Variants in FARS2 observed in about 807,000 individuals in gnomAD.
The protein encoded by FARS2 is phenylalanine--tRNA ligase, mitochondrial.
Under a neutral mutation model 46.4 loss-of-function variants are expected in FARS2, and 40 were observed. The ratio of observed to expected loss-of-function variants is 0.86; its 90% CI spans 0.67 to 1.12. The LOEUF (loss-of-function observed/expected upper bound fraction) is 1.12, where lower values mean the gene tolerates loss of function less well. FARS2 is among the 50% of genes most tolerant of loss of function. The probability of loss-of-function intolerance (pLI) is 0.00; values close to 1 mark genes in which losing one functional copy is unlikely to be tolerated. For synonymous variants in FARS2, 234 were observed against 214.9 expected (o/e 1.09, Z -0.78); for missense variants, 513 against 567.9 (o/e 0.90, Z 0.98).
Position 5,723,081 on chromosome 6 carries a change from C to T in FARS2, c.1218-48210C>T, listed in dbSNP as rs541104381. The stretch of plus-strand genomic sequence containing the variant: ...CCACAGATGGACAAAAGTCCTCATC[C>T]GAGTTCCGGTTCTGGGGGTGAGTGG... On this transcript the variant is annotated intron_variant, in intron 6 of 6. Transcript: ENST00000274680. Among the ~76,000 whole-genome samples the T allele has an allele frequency of 2.6e-5, 4 of 152,100 alleles. No homozygotes were observed. In the South Asian group the frequency reaches 8.3e-4, roughly 32 times the overall value.
At chr6:5,428,758 A>G (rs892292566) in intron 3 of FARS2, among the ~76,000 whole-genome samples, 5 of 152,194 alleles carry the variant, frequency 3.3e-5, no homozygotes, top group Admixed American at 3.3e-4. Context: ...ACAGTCCCAA[A>G]TAAGCAGTGG....
intron 4 of FARS2, among the ~76,000 whole-genome samples, chr6:5,494,741 T>C (rs1223667078): frequency 6.6e-6 from 1 of 152,178 alleles, no homozygotes; most frequent in Non-Finnish European, 1.5e-5. Context: ...AGTTCACATG[T>C]TTGAGGAACG....
At position 5,487,244 on chromosome 6, in the gene FARS2, A is replaced by T. The variant is rs191604709; in HGVS notation, c.904+56072A>T. Among the ~76,000 whole-genome samples, 487 of 152,258 alleles carry T rather than the reference A, an allele frequency of 3.2e-3. 3 individuals are homozygous for T. The highest frequency in any genetic ancestry group is 0.011 in the African/African-American group (453 of 41,552). ...CTCTGGTGCACCTACCTGGGTGCCA[A>T]CGTTGTAGGAAGAAGCTGTCTGCAC... On this transcript the variant is annotated intron_variant, in intron 4 of 6. Coordinates refer to ENST00000274680, the MANE Select transcript of FARS2 (RefSeq NM_006567.5).
At chr6:5,729,399 G>A (rs1039919408) in intron 6 of FARS2, among the ~76,000 whole-genome samples, 10 of 152,146 alleles carry the variant, frequency 6.6e-5, no homozygotes, top group Non-Finnish European at 8.8e-5. Flanking sequence ...GAATGGGGGC[G>A]TGGACGTCCC....
At chr6:5,497,659 A>G (rs944490129) in intron 4 of FARS2, among the ~76,000 whole-genome samples, 2 of 152,250 alleles carry the variant, frequency 1.3e-5, no homozygotes, top group Non-Finnish European at 2.9e-5. Flanking sequence ...CAATGGTATC[A>G]TTCAAACTTC....
At position 5,512,774 on chromosome 6, in the gene FARS2, G is replaced by A. The variant is rs571386952; in HGVS notation, c.905-32406G>A. On this transcript the variant is annotated intron_variant, in intron 4 of 6. Coordinates refer to ENST00000274680, the MANE Select transcript of FARS2 (RefSeq NM_006567.5). ...CTTTTCAGCAAAAAATATGTATTAA[G>A]CACAAAGTAGGTGACAGGAACTGTG... Among the ~76,000 whole-genome samples the A allele has an allele frequency of 2.0e-5, 3 of 152,242 alleles. No individual in the cohort carries two copies. In the South Asian group the frequency reaches 6.2e-4, roughly 32 times the overall value.
At chr6:5,753,858 G>A (rs1041556009) in intron 6 of FARS2, among the ~76,000 whole-genome samples, 2 of 152,190 alleles carry the variant, frequency 1.3e-5, no homozygotes, top group African/African-American at 4.8e-5. Flanking sequence ...TGCTGAGAGA[G>A]GACCTGCCTA....
At chr6:5,430,035 T>C (rs1763072933) in intron 3 of FARS2, among the ~76,000 whole-genome samples, 1 of 152,164 alleles carries the variant, frequency 6.6e-6, no homozygotes, top group South Asian at 2.1e-4. Flanking sequence ...CTTCACATTT[T>C]GATTCCCACA....
intron 4 of FARS2, among the ~76,000 whole-genome samples, chr6:5,439,280 C>T (rs768232561): frequency 3.3e-5 from 5 of 152,164 alleles, no homozygotes; most frequent in Admixed American, 2.0e-4. Flanking sequence ...ACATAGAATT[C>T]GGGCATCCTT....
intron 5 of FARS2, among the ~76,000 whole-genome samples, chr6:5,604,417 C>A (rs1036455471): frequency 1.3e-5 from 2 of 152,046 alleles, no homozygotes; most frequent in African/African-American, 4.8e-5. Context: ...ATGAACATGC[C>A]AGAAAGCTCA....
intron 4 of FARS2, among the ~76,000 whole-genome samples, chr6:5,455,251 C>T (rs1191951599): frequency 6.6e-6 from 1 of 152,084 alleles, no homozygotes; most frequent in African/African-American, 2.4e-5. Flanking sequence ...CAGAAGATTC[C>T]AAAAAGCCCC....
chr6:5,689,374 G>C (rs896230675), intron 6 of FARS2, among the ~76,000 whole-genome samples: 12 of 151,826 alleles, frequency 7.9e-5, no homozygotes, highest in Non-Finnish European at 1.6e-4. Flanking sequence ...CTTTGAATGC[G>C]TCCCAGAGAT....
At chr6:5,310,364 A>G (rs569383892) in intron 1 of FARS2, among the ~76,000 whole-genome samples, 3 of 152,162 alleles carry the variant, frequency 2.0e-5, no homozygotes, top group Non-Finnish European at 4.4e-5. Flanking sequence ...AAGGTCATAA[A>G]CTAATAATTG....
intron 6 of FARS2, among the ~76,000 whole-genome samples, chr6:5,679,262 G>A (rs1467980210): frequency 6.6e-6 from 1 of 152,150 alleles, no homozygotes; most frequent in Non-Finnish European, 1.5e-5. Context: ...AGAGACCTTA[G>A]CTGCACAAGA....
chr6:5,387,629 G>A (rs1226559897), intron 2 of FARS2, among the ~76,000 whole-genome samples: 1 of 152,206 alleles, frequency 6.6e-6, no homozygotes, highest in African/African-American at 2.4e-5. Context: ...TGCTTATAGA[G>A]GCAGTCTACA....
At chr6:5,423,656 T>G (rs1484274868) in intron 3 of FARS2, among the ~76,000 whole-genome samples, 1 of 152,144 alleles carries the variant, frequency 6.6e-6, no homozygotes, top group African/African-American at 2.4e-5. Flanking sequence ...GGTCCCACAC[T>G]GGAGGATTTT....
chr6:5,539,408 T>A lies in FARS2; in HGVS notation c.905-5772T>A, dbSNP rs9378964. Among the ~76,000 whole-genome samples, 759 of 93,608 alleles carry A rather than the reference T, an allele frequency of 8.1e-3. 14 individuals are homozygous for A. Among genetic ancestry groups the A allele is most frequent in the South Asian group, 0.012 (36 of 3,104 alleles). The allele number at this position is 93,608 out of a possible 152,430, so 61.4% of individuals were successfully genotyped here. On this transcript the variant is annotated intron_variant, in intron 4 of 6. Transcript: ENST00000274680. Reference sequence around the variant, plus strand: ...TGTATATATATATATATGTATATATTTTTTTAGTAGAGACGGGGTTTCACC... The same window carrying A: ...TGTATATATATATATATGTATATATATTTTTAGTAGAGACGGGGTTTCACC...
In FARS2 at chr6:5,729,269, G is replaced by A. The variant is rs139727215; in HGVS notation, c.1218-42022G>A. ...TCGAGGTAAAGGAAATGAATAGCTC[G>A]TGCTAATGAATGAGGTGTCCCCAGA... On this transcript the variant is annotated intron_variant, in intron 6 of 6. Transcript: ENST00000274680. Among the ~76,000 whole-genome samples, 272 of 152,282 alleles carry A rather than the reference G, an allele frequency of 1.8e-3. 1 individual carries two copies. The highest frequency in any genetic ancestry group is 6.0e-3 in the African/African-American group (248 of 41,566).
intron 6 of FARS2, among the ~76,000 whole-genome samples, chr6:5,635,062 A>G (rs1356904757): frequency 1.3e-5 from 2 of 152,210 alleles, no homozygotes; most frequent in Non-Finnish European, 2.9e-5. Flanking sequence ...CCGTGGAACC[A>G]TTCGAGCAAG....
Sources: gnomAD v4.1 joint callset for allele counts (sites outside exome capture counted in the v4.1 genomes callset) on GRCh38, gnomAD v4.1.1 for gene constraint, MANE v1.5 for transcripts, NCBI Gene and HGNC (gene_info 2026-07-23, HGNC 2026-07-21) for gene names.